The following SLC39A10 variants were observed in gnomAD, a reference collection of about 807,000 sequenced individuals.
The protein encoded by SLC39A10 is solute carrier family 39 member 10.
Under a neutral mutation model 65.1 loss-of-function variants are expected in SLC39A10, and 13 were observed. The observed-to-expected ratio is 0.20, with a 90% CI of 0.13 to 0.32. The LOEUF (loss-of-function observed/expected upper bound fraction) is 0.32. Among genes scored for constraint, SLC39A10 ranks in the 10% least tolerant of loss-of-function variants. The pLI is 1.00. For synonymous variants in SLC39A10, 321 were observed against 342.2 expected, an observed-to-expected ratio of 0.94 and a Z score of 0.68; for missense variants, 831 against 1,018.4, an observed-to-expected ratio of 0.82 and a Z score of 2.50.
intron 1 of SLC39A10, among the ~76,000 whole-genome samples, chr2:195,661,442 G>A (rs190955576): frequency 5.3e-5 from 8 of 152,292 alleles, no homozygotes; most frequent in East Asian, 3.9e-4. Context: ...ATCTTGCCAT[G>A]TTGTCCAGGC....
intron 2 of SLC39A10, among the ~76,000 whole-genome samples, chr2:195,645,730 T>C (rs1446192616): frequency 6.6e-6 from 1 of 152,234 alleles, no homozygotes; most frequent in Non-Finnish European, 1.5e-5. Flanking sequence ...GCATAGTGTT[T>C]TTAAGGTTAA....
intron 1 of SLC39A10, among the ~76,000 whole-genome samples, chr2:195,660,432 T>TA (rs372773559): frequency 1.3e-5 from 2 of 152,320 alleles, no homozygotes; most frequent in African/African-American, 4.8e-5. Context: ...CCCTAAAGCT[T>TA]AAAGTTTGCA....
intron 3 of SLC39A10, among the ~76,000 whole-genome samples, chr2:195,695,805 GT>G (rs1045007680): frequency 6.6e-6 from 1 of 152,010 alleles, no homozygotes; most frequent in East Asian, 1.9e-4. Flanking sequence ...CAGTTTGTCT[GT>G]TTTTTTGTTT....
intron 9 of SLC39A10, among the ~76,000 whole-genome samples, chr2:195,730,254 T>C (rs1255599553): frequency 6.6e-6 from 1 of 152,192 alleles, no homozygotes; most frequent in Non-Finnish European, 1.5e-5. Context: ...TCATTTTTCT[T>C]GTCATAACAG....
chr2:195,735,051 G>A lies in SLC39A10; in HGVS notation c.*10G>A. The A allele has an allele frequency of 6.2e-7, 1 of 1,607,302 alleles. No homozygotes were observed. Among genetic ancestry groups the A allele is most frequent in the Non-Finnish European group, 8.5e-7 (1 of 1,177,266 alleles). ...TGACATCCAGTTTTGACCTTTCCCAGTAATCACTGTTGATTACGAGAATGT... is the reference window on the plus strand; with the variant it reads ...TGACATCCAGTTTTGACCTTTCCCAATAATCACTGTTGATTACGAGAATGT... On this transcript the variant is annotated 3_prime_UTR_variant, in exon 10 of 10. Transcript: ENST00000359634.
chr2:195,714,638 T>G (rs1691719157), intron 6 of SLC39A10, among the ~76,000 whole-genome samples: 1 of 152,110 alleles, frequency 6.6e-6, no homozygotes, highest in Admixed American at 6.5e-5. Context: ...GTTAAAACCA[T>G]AAAAGGGGAA....
chr2:195,699,489 T>G (rs1259966825), intron 3 of SLC39A10, among the ~76,000 whole-genome samples: 1 of 152,074 alleles, frequency 6.6e-6, no homozygotes, highest in African/African-American at 2.4e-5. Context: ...TAGTTTTGTT[T>G]TCATTTGTCT....
chr2:195,677,903 C>A (rs1690156829), intron 1 of SLC39A10, among the ~76,000 whole-genome samples: 1 of 152,040 alleles, frequency 6.6e-6, no homozygotes, highest in Non-Finnish European at 1.5e-5. Flanking sequence ...GCACATGCCA[C>A]CACGCCTGGC....
chr2:195,695,885 G>C (rs1176691582), intron 3 of SLC39A10, among the ~76,000 whole-genome samples: 7 of 152,064 alleles, frequency 4.6e-5, no homozygotes, highest in African/African-American at 1.2e-4. Context: ...CTTTTGCCCA[G>C]TTTTCTTCTA....
chr2:195,649,150 CA>C (rs1253072065), intron 2 of SLC39A10, among the ~76,000 whole-genome samples: 1 of 151,272 alleles, frequency 6.6e-6, no homozygotes, highest in Non-Finnish European at 1.5e-5. Context: ...AAAAACAAAA[CA>C]AAAAAAGAAT....
At chr2:195,613,054 T>G (rs1035135622) in intron 2 of SLC39A10, among the ~76,000 whole-genome samples, 1 of 152,184 alleles carries the variant, frequency 6.6e-6, no homozygotes, top group Non-Finnish European at 1.5e-5. Context: ...GGAAAGAGAC[T>G]GAACTTACTC....
intron 3 of SLC39A10, among the ~76,000 whole-genome samples, chr2:195,691,380 A>G (rs1247012996): frequency 6.6e-6 from 1 of 152,202 alleles, no homozygotes; most frequent in Non-Finnish European, 1.5e-5. Flanking sequence ...GTAGATACCT[A>G]GTCATGAGAT....
chr2:195,632,290 C>CTTT lies in SLC39A10; in HGVS notation c.-12+26082_-12+26084dup, dbSNP rs202193660. On this transcript the variant is annotated intron_variant, in intron 2 of 2. Transcript: ENST00000458054. ...AGGTCACCAGCTCTCATTCTACTTC[C>CTTT]TTTTTTTTTTTTTTTTTTTTTTTTT... Among the ~76,000 whole-genome samples the CTTT allele has an allele frequency of 5.6e-3, 388 of 69,256 alleles. 89 individuals carry two copies. Among genetic ancestry groups the CTTT allele is most frequent in the African/African-American group, 0.019 (304 of 15,968 alleles). 45.4% of individuals were successfully genotyped at this position (69,256 alleles called of 152,430 possible). A position where few individuals can be genotyped will look rare whatever the true frequency, so the allele number is the denominator to read the frequency against.
At chr2:195,704,872 A>G (rs1227974354) in intron 3 of SLC39A10, among the ~76,000 whole-genome samples, 1 of 152,034 alleles carries the variant, frequency 6.6e-6, no homozygotes, top group Non-Finnish European at 1.5e-5. Context: ...ATCTTAGCTC[A>G]CTGGAACCTC....
At chr2:195,675,550 G>C (rs1242176158) in intron 1 of SLC39A10, among the ~76,000 whole-genome samples, 1 of 152,134 alleles carries the variant, frequency 6.6e-6, no homozygotes, top group Admixed American at 6.5e-5. Context: ...ATTCTCCTCA[G>C]CCTCCCGAGT....
chr2:195,724,148 A>G (rs997265846), intron 8 of SLC39A10, among the ~76,000 whole-genome samples: 2 of 152,228 alleles, frequency 1.3e-5, no homozygotes, highest in East Asian at 3.8e-4. Flanking sequence ...CTTAAAATAT[A>G]TACATGTTTT....
intron 8 of SLC39A10, among the ~76,000 whole-genome samples, chr2:195,725,259 G>C (rs966754196): frequency 6.6e-6 from 1 of 151,926 alleles, no homozygotes; most frequent in Non-Finnish European, 1.5e-5. Context: ...ACTCCATTAA[G>C]GAAAACAGTC....
chr2:195,726,475 A>G (rs1301304053), intron 8 of SLC39A10, among the ~76,000 whole-genome samples: 1 of 152,166 alleles, frequency 6.6e-6, no homozygotes, highest in Admixed American at 6.5e-5. Context: ...AAAATTAACG[A>G]AACTCCAGGA....
intron 3 of SLC39A10, among the ~76,000 whole-genome samples, chr2:195,685,515 TCTC>T (rs1690492036): frequency 6.6e-6 from 1 of 152,178 alleles, no homozygotes; most frequent in Admixed American, 6.5e-5. Context: ...CATTCATTTC[TCTC>T]CTCTTTTCTC....
Sources: gnomAD v4.1 joint callset for allele counts (sites outside exome capture counted in the v4.1 genomes callset) on GRCh38, gnomAD v4.1.1 for gene constraint, MANE v1.5 for transcripts, NCBI Gene and HGNC (gene_info 2026-07-23, HGNC 2026-07-21) for gene names.